The following UNC79 variants were observed in gnomAD, a reference collection of about 807,000 sequenced individuals.
UNC79 encodes the protein unc-79 subunit of NALCN channel complex, also known as protein unc-79 homolog.
A neutral mutation model predicts 283.1 loss-of-function variants in UNC79; 37 were observed. The ratio of observed to expected loss-of-function variants is 0.13; its 90% CI spans 0.10 to 0.17. The LOEUF (loss-of-function observed/expected upper bound fraction) is 0.17, where lower values mean the gene tolerates loss of function less well. Among genes scored for constraint, UNC79 ranks in the 10% least tolerant of loss-of-function variants. The pLI, the probability that UNC79 is intolerant of heterozygous loss-of-function variation, is 1.00. For missense variants in UNC79, 2,272 were observed against 3,211.1 expected (o/e 0.71, Z 7.07); for synonymous variants, 1,107 against 1,200.2 (o/e 0.92, Z 1.61).
intron 1 of UNC79, among the ~76,000 whole-genome samples, chr14:93,378,284 T>C (rs2054600613): frequency 1.3e-5 from 2 of 152,246 alleles, no homozygotes; most frequent in African/African-American, 2.4e-5. Flanking sequence ...TATTGACTTC[T>C]TGAGGATTGG....
At chr14:93,397,707 T>C (rs574890179) in intron 1 of UNC79, among the ~76,000 whole-genome samples, 1 of 151,880 alleles carries the variant, frequency 6.6e-6, no homozygotes, top group African/African-American at 2.4e-5. Context: ...TCCTTGATCA[T>C]AGCTGAGAGT....
chr14:93,561,235 A>G (rs1302966002), intron 14 of UNC79, among the ~76,000 whole-genome samples: 1 of 152,174 alleles, frequency 6.6e-6, no homozygotes, highest in East Asian at 1.9e-4. Flanking sequence ...GTCTTTGCTG[A>G]GAGATACATA....
Position 93,474,179 on chromosome 14 carries a change from A to T in UNC79, c.234A>T (p.Pro78=). Residue 78 remains proline, a synonymous_variant, in exon 3 of 49, where the codon CCA becomes CCT. Transcript: ENST00000555664. The surrounding 1 kb of genome is among the most constrained non-coding windows in gnomAD (Gnocchi z 4.1). ...TGTGTCTTTTTCCTGTGCCATTCCC[A>T]CTCACCCCATCTCTAAGACCGCAGG... 1 of 1,535,298 alleles carries T rather than the reference A, an allele frequency of 6.5e-7. No individual in the cohort carries two copies. Among genetic ancestry groups the T allele is most frequent in the Non-Finnish European group, 8.7e-7 (1 of 1,146,648 alleles).
chr14:93,609,070 T>C (rs1428177675), intron 26 of UNC79, among the ~76,000 whole-genome samples: 1 of 152,204 alleles, frequency 6.6e-6, no homozygotes, highest in Non-Finnish European at 1.5e-5. Context: ...TCCTCCATTC[T>C]TTTTTTCTCT....
intron 1 of UNC79, among the ~76,000 whole-genome samples, chr14:93,410,278 C>A (rs1004632281): frequency 3.3e-5 from 5 of 152,214 alleles, no homozygotes; most frequent in Non-Finnish European, 7.3e-5. Flanking sequence ...CCAGCCCTAG[C>A]CAGAGGGGAA....
rs897856818 is a variant in UNC79 at position 93,412,638 on chromosome 14, T to A, written c.-350-55033T>A. Among the ~76,000 whole-genome samples the A allele has an allele frequency of 3.3e-5, 5 of 152,084 alleles. No individual in the cohort carries two copies. The South Asian group carries it at 8.3e-4, about 25-fold the overall frequency. On this transcript the variant is annotated intron_variant, in intron 1 of 49. Coordinates refer to the UNC79 transcript ENST00000256339. ...AGGCAGTCTTCTTTGGGTTAAATCT[T>A]CTTGGTGTCTTACAACCTTCTTGTA...
chr14:93,580,138 ATG>A lies in UNC79; in HGVS notation c.2434-9_2434-8del. On this transcript the variant is annotated splice_polypyrimidine_tract_variant and intron_variant, in intron 18 of 48. Coordinates refer to ENST00000555664, the Ensembl canonical transcript of UNC79. The stretch of plus-strand genomic sequence containing the variant: ...TGTGTGTGCGTGTGTCCTTTTTTTG[ATG>A]TCTTTCAGATGGAGTTACAAGATGA... 1 of 1,594,482 alleles carries A rather than the reference ATG, an allele frequency of 6.3e-7. No homozygotes were observed. Among genetic ancestry groups the A allele is most frequent in the Non-Finnish European group, 8.5e-7 (1 of 1,170,724 alleles).
At chr14:93,355,972 C>T (rs531666497) in intron 1 of UNC79, among the ~76,000 whole-genome samples, 1 of 151,934 alleles carries the variant, frequency 6.6e-6, no homozygotes, top group African/African-American at 2.4e-5. Flanking sequence ...CCATGACATC[C>T]GTAGCTTACT....
chr14:93,428,420 T>C (rs1334083449), upstream of UNC79, among the ~76,000 whole-genome samples: 1 of 152,096 alleles, frequency 6.6e-6, no homozygotes, highest in Non-Finnish European at 1.5e-5. Context: ...ACCTCTGCAA[T>C]AGAAGAAAAC....
intron 14 of UNC79, among the ~76,000 whole-genome samples, chr14:93,564,066 A>G (rs2062729455): frequency 6.6e-6 from 1 of 152,206 alleles, no homozygotes; most frequent in African/African-American, 2.4e-5. Context: ...TGTTTGGACA[A>G]AAAGGCTACA....
At chr14:93,373,671 A>C (rs768119880) in intron 1 of UNC79, among the ~76,000 whole-genome samples, 8 of 152,220 alleles carry the variant, frequency 5.3e-5, no homozygotes, top group Admixed American at 1.3e-4. Flanking sequence ...AATTCTACCA[A>C]ACATTTTAGG....
chr14:93,498,200 G>A lies in UNC79; in HGVS notation c.898+914G>A, dbSNP rs2059109622. Among the ~76,000 whole-genome samples the A allele has an allele frequency of 2.0e-5, 3 of 151,706 alleles. No individual in the cohort carries two copies. The South Asian group carries it at 6.3e-4, about 32-fold the overall frequency. Reference sequence around the variant, plus strand: ...AATAATCACTTGAACCCAGGAGGAGGAGGTTGCAATGAGCCAAGATTGTGC... The same window carrying A: ...AATAATCACTTGAACCCAGGAGGAGAAGGTTGCAATGAGCCAAGATTGTGC... On this transcript the variant is annotated intron_variant, in intron 7 of 48. Transcript: ENST00000555664.
At chr14:93,514,544 T>C (rs913278984) in intron 7 of UNC79, among the ~76,000 whole-genome samples, 2 of 152,222 alleles carry the variant, frequency 1.3e-5, no homozygotes, top group Admixed American at 1.3e-4. Flanking sequence ...AAGTTTGCTC[T>C]GAGCACATGC....
intron 7 of UNC79, among the ~76,000 whole-genome samples, chr14:93,505,722 C>T (rs1328679208): frequency 8.7e-5 from 13 of 148,678 alleles, no homozygotes; most frequent in African/African-American, 2.0e-4. Context: ...TTTCTTTTTT[C>T]TCTCTCTCTT....
intron 30 of UNC79, among the ~76,000 whole-genome samples, chr14:93,628,466 C>CT (rs2067741327): frequency 6.6e-6 from 1 of 152,230 alleles, no homozygotes; most frequent in Non-Finnish European, 1.5e-5. Context: ...TGATGTCTGT[C>CT]TTTCTCTTCT....
At chr14:93,352,956 A>T (rs1000986212) in intron 1 of UNC79, among the ~76,000 whole-genome samples, 1 of 152,258 alleles carries the variant, frequency 6.6e-6, no homozygotes, top group Non-Finnish European at 1.5e-5. Context: ...TTTATAGTTT[A>T]TGCACATATG....
At chr14:93,598,410 G>GTGTGTGT (rs71129651) in intron 24 of UNC79, among the ~76,000 whole-genome samples, 1 of 139,340 alleles carries the variant, frequency 7.2e-6, no homozygotes, top group Admixed American at 7.2e-5. Context: ...GTGTGTGTGT[G>GTGTGTGT]GCAGATTTTA....
chr14:93,507,651 A>C (rs1211527372), intron 7 of UNC79, among the ~76,000 whole-genome samples: 2 of 152,174 alleles, frequency 1.3e-5, no homozygotes, highest in Non-Finnish European at 2.9e-5. Context: ...ATTTTATTCC[A>C]GTCTTGGGGT....
chr14:93,697,620 TA>T (rs1194619894), intron 47 of UNC79, among the ~76,000 whole-genome samples: 3 of 152,060 alleles, frequency 2.0e-5, no homozygotes, highest in East Asian at 3.8e-4. Flanking sequence ...AAAAGATTGT[TA>T]GGGGGTGGAC....
Sources: gnomAD v4.1 joint callset for allele counts (sites outside exome capture counted in the v4.1 genomes callset) on GRCh38, gnomAD v4.1.1 for gene constraint, Gnocchi (gnomAD v3.1) non-coding constraint, MANE v1.5 for transcripts, NCBI Gene and HGNC (gene_info 2026-07-23, HGNC 2026-07-21) for gene names.